Variants in CLCN5 observed in about 807,000 individuals in gnomAD.
CLCN5 encodes Cl-/H+ antiporter 5, also known as H(+)/Cl(-) exchange transporter 5.
Under a neutral mutation model 54.0 loss-of-function variants are expected in CLCN5, and 17 were observed. The observed-to-expected ratio is 0.31, with a 90% CI of 0.22 to 0.47. CLCN5 has a LOEUF of 0.47. Ranked by LOEUF, CLCN5 falls within the 20% of genes least tolerant of loss-of-function variation. The pLI is 1.00. For missense variants in CLCN5, 448 were observed against 646.7 expected (o/e 0.69, Z 3.33); for synonymous variants, 222 against 233.0 (o/e 0.95, Z 0.43).
intron 3 of CLCN5, among the ~76,000 whole-genome samples, chrX:49,987,238 A>G (rs1231465977): frequency 3.6e-5 from 4 of 112,302 alleles, no homozygotes; most frequent in Non-Finnish European, 7.5e-5. Flanking sequence ...GTTTATTGAA[A>G]TTTCTAGAAG....
rs781788759 is a variant in CLCN5 at position 50,042,355 on chromosome X, G to A, written c.56G>A (p.Ser19Asn). ...AGAGGCTTTCAGCAGGGGAGTTTTAGTAGCTTCCAGAACAGCTCCAGTGAT... is the reference window on the plus strand; with the variant it reads ...AGAGGCTTTCAGCAGGGGAGTTTTAATAGCTTCCAGAACAGCTCCAGTGAT... ...DNRGFQQGSF[S>N]SFQNSSSDED... The change falls in exon 4 of 15, where the codon AGT (serine) becomes AAT (asparagine). Residue 19 changes from serine (S) to asparagine (N), a missense_variant. Around this residue, in one of 5 missense-constraint regions of CLCN5, gnomAD observed 69 missense variants for 60.9 expected, o/e 1.13. Coordinates refer to ENST00000376091, the MANE Select transcript of CLCN5 (RefSeq NM_001127898.4). 18 of 1,174,064 alleles carry A rather than the reference G, an allele frequency of 1.5e-5. No individual in the cohort carries two copies. Among genetic ancestry groups the A allele is most frequent in the Non-Finnish European group, 1.3e-5 (11 of 876,271 alleles).
chrX:50,040,127 C>G (rs1489139852), intron 3 of CLCN5, among the ~76,000 whole-genome samples: 3 of 112,233 alleles, frequency 2.7e-5, no homozygotes, highest in African/African-American at 9.7e-5. Context: ...AGGCCTGGTT[C>G]CCTAGAAGCA....
intron 3 of CLCN5, among the ~76,000 whole-genome samples, chrX:49,941,920 C>CTT (rs782574821): frequency 0.013 from 766 of 60,515 alleles, 26 homozygotes; most frequent in Non-Finnish European, 0.018. Flanking sequence ...CAATCAGTAT[C>CTT]TTTTTTTTTT....
At chrX:49,929,190 T>C (rs1557168486) in intron 3 of CLCN5, among the ~76,000 whole-genome samples, 1 of 111,654 alleles carries the variant, frequency 9.0e-6, no homozygotes, top group African/African-American at 3.3e-5. Flanking sequence ...GGCTCATTGC[T>C]GTCTGGTTCC....
In CLCN5 at chrX:50,088,829, A is replaced by G; in HGVS notation, c.1689A>G (p.Gly563=). The change falls in exon 12 of 15, where the codon GGA becomes GGG. Residue 563 remains glycine (G), a synonymous_variant. Coordinates refer to ENST00000376091, the MANE Select transcript of CLCN5 (RefSeq NM_001127898.4). ...WTVFNSWCSQ[G]ADCITPGLYA... is the part of the protein sequence containing the mutation. The stretch of plus-strand genomic sequence containing the variant: ...TCTTCAATAGCTGGTGTAGTCAGGG[A>G]GCTGATTGCATCACCCCCGGCCTTT... The G allele has an allele frequency of 8.3e-7, 1 of 1,211,409 alleles. No homozygotes were observed. Among genetic ancestry groups the G allele is most frequent in the Non-Finnish European group, 1.1e-6 (1 of 895,266 alleles).
chrX:50,027,574 G>T (rs1296573182), intron 3 of CLCN5, among the ~76,000 whole-genome samples: 2 of 111,856 alleles, frequency 1.8e-5, no homozygotes, highest in Non-Finnish European at 3.8e-5. Context: ...TCTTTCTTAA[G>T]ATTTCCATCT....
intron 3 of CLCN5, among the ~76,000 whole-genome samples, chrX:50,000,031 T>C (rs978589797): frequency 9.0e-6 from 1 of 111,056 alleles, no homozygotes; most frequent in Non-Finnish European, 1.9e-5. Flanking sequence ...CATGCAGGGG[T>C]GCAAGCCTCT....
chrX:50,032,186 G>A (rs1441940924), intron 3 of CLCN5, among the ~76,000 whole-genome samples: 1 of 111,449 alleles, frequency 9.0e-6, no homozygotes, highest in Non-Finnish European at 1.9e-5. Context: ...ACATACATGT[G>A]CATGTGTCTT....
rs781818466 is a variant in CLCN5 at position 50,092,258 on chromosome X, C to T, written c.*39C>T. On this transcript the variant is annotated 3_prime_UTR_variant, in exon 15 of 15. Transcript: ENST00000376091. ...TGGATGTAAAGCGGGAAGGACATTACAGACCATGGATATGTTGTATTAACT... is the reference window on the plus strand; with the variant it reads ...TGGATGTAAAGCGGGAAGGACATTATAGACCATGGATATGTTGTATTAACT... The T allele has an allele frequency of 6.3e-6, 6 of 954,508 alleles. No individual in the cohort carries two copies. The highest frequency in any genetic ancestry group is 5.2e-4 in the Middle Eastern group (2 of 3,857). 78.7% of individuals were successfully genotyped at this position (954,508 alleles called of 1,213,427 possible). A position where few individuals can be genotyped will look rare whatever the true frequency, so the allele number is the denominator to read the frequency against.
intron 4 of CLCN5, among the ~76,000 whole-genome samples, chrX:50,050,998 G>C (rs1426660615): frequency 9.0e-6 from 1 of 110,959 alleles, no homozygotes; most frequent in Non-Finnish European, 1.9e-5. Context: ...AGTAGTTTTT[G>C]CAAACCAGAA....
chrX:50,011,817 C>T (rs1406046523), intron 3 of CLCN5, among the ~76,000 whole-genome samples: 2 of 112,183 alleles, frequency 1.8e-5, no homozygotes, highest in Non-Finnish European at 3.8e-5. Flanking sequence ...CACACGCACA[C>T]GTGCACACAC....
At chrX:50,051,793 T>G (rs1056411337) in intron 4 of CLCN5, among the ~76,000 whole-genome samples, 66 of 111,889 alleles carry the variant, frequency 5.9e-4, no homozygotes, top group African/African-American at 2.0e-3. Flanking sequence ...ATAGTATTGC[T>G]TTTTAAAATT....
chrX:49,929,908 TTAATA>T (rs1255821650), intron 3 of CLCN5, among the ~76,000 whole-genome samples: 2 of 109,847 alleles, frequency 1.8e-5, no homozygotes, highest in South Asian at 3.8e-4. Context: ...AGGAAAAAGA[TTAATA>T]TAATCAGTTA....
intron 4 of CLCN5, among the ~76,000 whole-genome samples, chrX:50,056,819 A>T (rs1932756839): frequency 8.9e-6 from 1 of 112,005 alleles, no homozygotes; most frequent in Non-Finnish European, 1.9e-5. Flanking sequence ...AGCTTTCCCT[A>T]TGCCTTTCTG....
intron 3 of CLCN5, chrX:50,008,524 G>A (rs1292807043): frequency 5.8e-6 from 2 of 343,970 alleles, no homozygotes; most frequent in African/African-American, 2.6e-5. Context: ...CTTCATCTTC[G>A]TGTAGGACAG....
intron 9 of CLCN5, among the ~76,000 whole-genome samples, chrX:50,083,080 T>A (rs1026724128): frequency 1.8e-5 from 2 of 111,172 alleles, no homozygotes; most frequent in African/African-American, 6.5e-5. Context: ...TGGCTCTTGC[T>A]TTATTTTCTT....
rs1557192948 is a variant in CLCN5, at chrX:50,080,641, T to G, written c.651T>G (p.Ala217=). Residue 217 remains alanine (A), a synonymous_variant, in exon 8 of 15, where the codon GCT becomes GCG. Coordinates refer to ENST00000376091, the MANE Select transcript of CLCN5 (RefSeq NM_001127898.4). ...IVNYFMYVLW[A]LLFAFLAVSL... is the part of the protein sequence containing the mutation. ...ATTATTTCATGTACGTCCTCTGGGC[T>G]CTCCTATTTGCCTTCCTTGCCGTAT... 8.3e-7 allele frequency: 1 copy of G among 1,203,620 alleles called. No homozygotes were observed. Among genetic ancestry groups the G allele is most frequent in the East Asian group, 3.0e-5 (1 of 33,746 alleles).
chrX:50,026,899 C>G (rs1931419751), intron 3 of CLCN5, among the ~76,000 whole-genome samples: 1 of 111,566 alleles, frequency 9.0e-6, no homozygotes, highest in Non-Finnish European at 1.9e-5. Context: ...TATTCATCCT[C>G]CTTAGTGTTC....
In CLCN5 at chrX:50,069,894, A is replaced by G. The variant is rs782049778; in HGVS notation, c.179A>G (p.Asn60Ser). Residue 60 changes from asparagine (N) to serine (S), a missense_variant, in exon 5 of 15, where the codon AAT becomes AGT. Coordinates refer to ENST00000376091, the MANE Select transcript of CLCN5 (RefSeq NM_001127898.4). ...TTCAATACAGAGGACAAGTCGTACA[A>G]TGGTGGAGGAATAGGTTCTTCAAAT... is the stretch of plus-strand genomic sequence containing the variant. The part of the protein sequence containing the change: ...DREVGEDKSY[N>S]GGGIGSSNRI... 3 of 1,207,163 alleles carry G rather than the reference A, an allele frequency of 2.5e-6. No individual in the cohort carries two copies. Among genetic ancestry groups the G allele is most frequent in the Non-Finnish European group, 3.4e-6 (3 of 893,551 alleles).
Sources: allele counts gnomAD v4.1 joint callset (sites outside exome capture counted in the v4.1 genomes callset), GRCh38; gene constraint gnomAD v4.1.1; regional missense constraint gnomAD v4.1.1; transcripts MANE v1.5; gene names NCBI Gene and HGNC (gene_info 2026-07-23, HGNC 2026-07-21).